MSRA: variants seen among roughly 807,000 people sequenced by gnomAD.
MSRA encodes the protein methionine sulfoxide reductase A, also known as mitochondrial peptide methionine sulfoxide reductase.
Under a neutral mutation model 31.3 loss-of-function variants are expected in MSRA, and 54 were observed. The observed-to-expected ratio is 1.73, with a 90% confidence interval of 1.39 to 2.17. The LOEUF (loss-of-function observed/expected upper bound fraction) is 2.17. MSRA is among the 30% of genes most tolerant of loss of function. The pLI is 0.00. For synonymous variants in MSRA, 169 were observed against 116.5 expected (o/e 1.45, Z -2.90); for missense variants, 507 against 300.9 (o/e 1.69, Z -5.07).
intron 1 of MSRA, among the ~76,000 whole-genome samples, chr8:10,158,434 T>G (rs944464234): frequency 6.6e-6 from 1 of 152,220 alleles, no homozygotes; most frequent in African/African-American, 2.4e-5. Context: ...GTCTATAGAT[T>G]TGTCAATTTT....
At chr8:10,289,705 G>A (rs117391959) in intron 3 of MSRA, among the ~76,000 whole-genome samples, 6 of 152,108 alleles carry the variant, frequency 3.9e-5, no homozygotes, top group East Asian at 3.9e-4. Flanking sequence ...TATCATGCTC[G>A]TAGGGCCTCT....
chr8:10,407,983 C>A (rs1291887493), intron 5 of MSRA, among the ~76,000 whole-genome samples: 2 of 152,232 alleles, frequency 1.3e-5, no homozygotes, highest in East Asian at 3.9e-4. Context: ...AAAGAAGAAC[C>A]AATAGGTATA....
At chr8:10,317,993 G>A (rs1018273756) in intron 4 of MSRA, among the ~76,000 whole-genome samples, 4 of 152,140 alleles carry the variant, frequency 2.6e-5, no homozygotes, top group African/African-American at 9.7e-5. Flanking sequence ...GTCAGACCTT[G>A]TCCTGCCTCT....
At chr8:10,286,580 C>G (rs1799950317) in intron 3 of MSRA, among the ~76,000 whole-genome samples, 1 of 152,210 alleles carries the variant, frequency 6.6e-6, no homozygotes, top group South Asian at 2.1e-4. Flanking sequence ...AGCATGAAAA[C>G]AGACTAATAC....
At chr8:10,255,936 T>TA (rs1383020574) in intron 3 of MSRA, among the ~76,000 whole-genome samples, 1 of 152,132 alleles carries the variant, frequency 6.6e-6, no homozygotes, top group African/African-American at 2.4e-5. Flanking sequence ...CCATGCCCGC[T>TA]ATCAACATCC....
chr8:10,241,096 C>A (rs865860035), intron 2 of MSRA, among the ~76,000 whole-genome samples: 2 of 152,124 alleles, frequency 1.3e-5, no homozygotes, highest in Non-Finnish European at 2.9e-5. Flanking sequence ...ATGGGACTTA[C>A]CTTTTGATGG....
chr8:10,213,478 C>G (rs1809704591), intron 2 of MSRA, among the ~76,000 whole-genome samples: 1 of 147,176 alleles, frequency 6.8e-6, no homozygotes, highest in East Asian at 2.0e-4. Flanking sequence ...TTGCCCTCAC[C>G]CAGGCTGGAG....
intron 1 of MSRA, among the ~76,000 whole-genome samples, chr8:10,087,185 C>T (rs1798605273): frequency 6.6e-6 from 1 of 152,096 alleles, no homozygotes; most frequent in Non-Finnish European, 1.5e-5. Flanking sequence ...CTATATTTCC[C>T]AGAGCCTTAC....
chr8:10,203,316 C>T (rs533361221), intron 1 of MSRA, among the ~76,000 whole-genome samples: 2 of 152,198 alleles, frequency 1.3e-5, no homozygotes, highest in East Asian at 1.9e-4. Context: ...CCCTTGTATC[C>T]AGGTCACCTG....
intron 2 of MSRA, among the ~76,000 whole-genome samples, chr8:10,230,091 C>T (rs1230720320): frequency 3.9e-5 from 6 of 152,218 alleles, no homozygotes; most frequent in East Asian, 3.8e-4. Flanking sequence ...GAGCCTCATA[C>T]GTGCAAGGTG....
chr8:10,212,795 C>G (rs1457579116), intron 2 of MSRA, among the ~76,000 whole-genome samples: 2 of 152,092 alleles, frequency 1.3e-5, no homozygotes, highest in African/African-American at 4.8e-5. Context: ...ACCCTTTGTT[C>G]TCAATTACTG....
At chr8:10,411,479 G>A (rs1206367793) in intron 5 of MSRA, 1 of 146,528 alleles carries the variant, frequency 6.8e-6, no homozygotes, top group African/African-American at 2.6e-5. Flanking sequence ...CTTATTTTTA[G>A]TTTCCTTTGA....
At chr8:10,230,132 A>G (rs933764857) in intron 2 of MSRA, among the ~76,000 whole-genome samples, 3 of 152,248 alleles carry the variant, frequency 2.0e-5, no homozygotes, top group African/African-American at 7.2e-5. Context: ...GACAGAATAC[A>G]GTGTCCAGGG....
intron 3 of MSRA, among the ~76,000 whole-genome samples, chr8:10,297,868 G>C (rs1291366346): frequency 6.6e-6 from 1 of 152,304 alleles, no homozygotes; most frequent in East Asian, 1.9e-4. Flanking sequence ...CATGAAAGAA[G>C]AGCCTAATCC....
chr8:10,369,248 T>C (rs189839928), intron 5 of MSRA, among the ~76,000 whole-genome samples: 1 of 147,906 alleles, frequency 6.8e-6, no homozygotes, highest in Non-Finnish European at 1.5e-5. Context: ...CATAGAGTTC[T>C]TTAAAAAAAA....
At position 10,354,776 on chromosome 8, in the gene MSRA, A is replaced by ATG. The variant is rs1804411563; in HGVS notation, c.543+34788_543+34789insGT. ...TATATATATATATATATATATATAT[A>ATG]TACCAGTTATATAATAAAATGTTAT... is the stretch of plus-strand genomic sequence containing the variant. On this transcript the variant is annotated intron_variant, in intron 5 of 5. Coordinates refer to ENST00000317173, the MANE Select transcript of MSRA (RefSeq NM_012331.5). Among the ~76,000 whole-genome samples, 4 of 146,670 alleles carry ATG rather than the reference A, an allele frequency of 2.7e-5. 1 individual carries two copies. In the South Asian group the frequency reaches 8.6e-4, roughly 32 times the overall value.
In MSRA at chr8:10,423,908, C is replaced by CTCAT. The variant is rs145609986; in HGVS notation, c.544-4218_544-4215dup. Among the ~76,000 whole-genome samples, 838 of 130,664 alleles carry CTCAT rather than the reference C, an allele frequency of 6.4e-3. 3 individuals carry two copies. Among genetic ancestry groups the CTCAT allele is most frequent in the African/African-American group, 0.017 (676 of 39,938 alleles). The allele number at this position is 130,664 out of a possible 152,430, so 85.7% of individuals were successfully genotyped here. ...ATCCCAAGAATCCATAGTTCATTTT[C>CTCAT]TCATTCATTCATTCATTCATTCATT... On this transcript the variant is annotated intron_variant, in intron 5 of 5. Transcript: ENST00000317173.
At chr8:10,406,548 T>C (rs1807828967) in intron 5 of MSRA, among the ~76,000 whole-genome samples, 2 of 151,980 alleles carry the variant, frequency 1.3e-5, no homozygotes, top group African/African-American at 4.8e-5. Context: ...ATCCAGGGTG[T>C]TGGTGCAGAC....
intron 5 of MSRA, among the ~76,000 whole-genome samples, chr8:10,328,551 G>T (rs1049608868): frequency 5.9e-5 from 9 of 151,954 alleles, no homozygotes; most frequent in Admixed American, 2.0e-4. Context: ...AGTGTACCTC[G>T]GGTCATTTCC....
Sources: allele counts gnomAD v4.1 joint callset (sites outside exome capture counted in the v4.1 genomes callset), GRCh38; gene constraint gnomAD v4.1.1; transcripts MANE v1.5; gene names NCBI Gene and HGNC (gene_info 2026-07-23, HGNC 2026-07-21).